The following PTPRN2 variants were observed in gnomAD, a reference collection of about 807,000 sequenced individuals.
PTPRN2 encodes the protein protein tyrosine phosphatase receptor type N2, also known as receptor-type tyrosine-protein phosphatase N2.
Under a neutral mutation model 118.8 loss-of-function variants are expected in PTPRN2, and 74 were observed. The observed-to-expected ratio is 0.62, with a 90% CI of 0.52 to 0.76. The LOEUF (loss-of-function observed/expected upper bound fraction) is 0.76. Ranked by LOEUF, PTPRN2 falls within the 30% of genes least tolerant of loss-of-function variation. PTPRN2 has a pLI of 0.00. For synonymous variants in PTPRN2, 641 were observed against 608.0 expected (o/e 1.05, Z -0.80); for missense variants, 1,481 against 1,394.4 (o/e 1.06, Z -0.99).
chr7:157,885,411 C>T (rs762754146), intron 12 of PTPRN2, among the ~76,000 whole-genome samples: 2 of 152,154 alleles, frequency 1.3e-5, no homozygotes. Flanking sequence ...CACCTGATGC[C>T]CACCTGGGCA....
Position 157,719,081 on chromosome 7 carries a change from T to C in PTPRN2, c.1789-36144A>G, listed in dbSNP as rs763061653. Among the ~76,000 whole-genome samples, 150 of 152,274 alleles carry C rather than the reference T, an allele frequency of 9.9e-4. 2 individuals are homozygous for C. Among genetic ancestry groups the C allele is most frequent in the Non-Finnish European group, 4.9e-4 (33 of 68,008 alleles). Reference sequence around the variant, plus strand: ...AGCGTGTTCCCCAGTGCATGGCCCCTGTCCTCCAACACCTGCTCAGGCCTG... The same window carrying C: ...AGCGTGTTCCCCAGTGCATGGCCCCCGTCCTCCAACACCTGCTCAGGCCTG... On this transcript the variant is annotated intron_variant, in intron 12 of 22. Transcript: ENST00000389418.
chr7:158,494,650 A>G (rs1274082163), intron 1 of PTPRN2, among the ~76,000 whole-genome samples: 1 of 152,170 alleles, frequency 6.6e-6, no homozygotes, highest in East Asian at 1.9e-4. Flanking sequence ...TGGAATGACC[A>G]AGGCCCTGGG....
At chr7:158,512,780 GAAGT>G (rs1180825987) in intron 1 of PTPRN2, among the ~76,000 whole-genome samples, 2 of 152,308 alleles carry the variant, frequency 1.3e-5, no homozygotes, top group East Asian at 1.9e-4. Flanking sequence ...AGAAAGGAAG[GAAGT>G]GTTTTCAAAA....
At chr7:158,158,229 C>A (rs899151373) in intron 6 of PTPRN2, among the ~76,000 whole-genome samples, 1 of 152,216 alleles carries the variant, frequency 6.6e-6, no homozygotes, top group South Asian at 2.1e-4. Flanking sequence ...GTGACAGAAG[C>A]ATTGGTATCA....
chr7:158,384,820 G>T (rs1431056221), intron 2 of PTPRN2, among the ~76,000 whole-genome samples: 1 of 152,148 alleles, frequency 6.6e-6, no homozygotes, highest in Non-Finnish European at 1.5e-5. Context: ...AATACTAATT[G>T]CCAGAAGACA....
In PTPRN2 at chr7:158,044,902, C is replaced by G. The variant is rs1808733016; in HGVS notation, c.1723+36396G>C. 2.6e-5 allele frequency among the ~76,000 whole-genome samples: 4 copies of G among 152,308 alleles called. No homozygotes were observed. In the South Asian group the frequency reaches 8.3e-4, roughly 32 times the overall value. On this transcript the variant is annotated intron_variant, in intron 11 of 22. Transcript: ENST00000389418. ...ACCTGGAGGACACCAGGAGGAGCAT[C>G]ACAGACAGGAAAAATTATAAACAGT... is the stretch of plus-strand genomic sequence containing the variant.
At chr7:157,778,276 A>G (rs1265975337) in intron 12 of PTPRN2, among the ~76,000 whole-genome samples, 2 of 152,240 alleles carry the variant, frequency 1.3e-5, no homozygotes, top group Non-Finnish European at 2.9e-5. Context: ...GTACATGTGA[A>G]TACAGGTGTC....
intron 11 of PTPRN2, among the ~76,000 whole-genome samples, chr7:158,072,468 G>A (rs538404673): frequency 6.6e-6 from 1 of 152,280 alleles, no homozygotes; most frequent in East Asian, 1.9e-4. Context: ...TGTTGACCAG[G>A]TAAGACCTGC....
At chr7:158,162,471 T>C (rs1473856986) in intron 6 of PTPRN2, among the ~76,000 whole-genome samples, 2 of 152,082 alleles carry the variant, frequency 1.3e-5, no homozygotes, top group African/African-American at 4.8e-5. Context: ...GATGGGGGAA[T>C]CTTCAAGGCA....
At chr7:158,035,270 A>G (rs571828163) in intron 11 of PTPRN2, among the ~76,000 whole-genome samples, 1 of 152,374 alleles carries the variant, frequency 6.6e-6, no homozygotes, top group East Asian at 1.9e-4. Context: ...AGAGATGTCC[A>G]TTTCGAGCAC....
chr7:157,762,747 T>TA (rs537774882), intron 12 of PTPRN2, among the ~76,000 whole-genome samples: 270 of 144,192 alleles, frequency 1.9e-3, no homozygotes, highest in Non-Finnish European at 1.6e-3. Flanking sequence ...AGTATAATAA[T>TA]AAAAAAAAAA....
intron 12 of PTPRN2, among the ~76,000 whole-genome samples, chr7:157,839,436 T>G (rs917512410): frequency 4.6e-5 from 7 of 151,676 alleles, no homozygotes; most frequent in Non-Finnish European, 7.4e-5. Flanking sequence ...ACTGTGTGTG[T>G]GTCTGGCTGT....
At chr7:158,547,740 C>T (rs1826384632) in intron 1 of PTPRN2, among the ~76,000 whole-genome samples, 1 of 152,156 alleles carries the variant, frequency 6.6e-6, no homozygotes, top group Non-Finnish European at 1.5e-5. Context: ...CATGCAGGGT[C>T]CAGGAATGCC....
intron 2 of PTPRN2, among the ~76,000 whole-genome samples, chr7:158,475,508 C>T (rs185404591): frequency 3.2e-4 from 49 of 152,256 alleles, no homozygotes; most frequent in Admixed American, 2.8e-3. Flanking sequence ...TCACCAAGGA[C>T]GGGCCCACTC....
At chr7:158,326,571 CAT>C (rs1433412777) in intron 2 of PTPRN2, among the ~76,000 whole-genome samples, 6 of 152,302 alleles carry the variant, frequency 3.9e-5, no homozygotes, top group South Asian at 2.1e-4. Flanking sequence ...CACATTCTCA[CAT>C]ACACGTCCTC....
chr7:158,150,667 G>A (rs756098688), intron 6 of PTPRN2, among the ~76,000 whole-genome samples: 1 of 152,036 alleles, frequency 6.6e-6, no homozygotes, highest in Non-Finnish European at 1.5e-5. Context: ...CATAACCCAG[G>A]GGGGTCACTG....
At chr7:157,579,579 G>A (rs1163783432) in intron 17 of PTPRN2, among the ~76,000 whole-genome samples, 1 of 152,210 alleles carries the variant, frequency 6.6e-6, no homozygotes, top group Non-Finnish European at 1.5e-5. Context: ...TCGGCTCCGT[G>A]CCACCCAAGT....
intron 3 of PTPRN2, among the ~76,000 whole-genome samples, chr7:158,209,891 G>A (rs1018755844): frequency 4.6e-5 from 7 of 152,000 alleles, no homozygotes; most frequent in African/African-American, 1.7e-4. Context: ...TCAATAACAG[G>A]GAAAATTTTG....
chr7:158,071,092 G>A (rs1174209355), intron 11 of PTPRN2, among the ~76,000 whole-genome samples: 4 of 99,496 alleles, frequency 4.0e-5, no homozygotes, highest in Non-Finnish European at 4.0e-5. Context: ...TGCCCGTGGT[G>A]GTGGAGGTGC....
Sources: allele counts gnomAD v4.1 joint callset (sites outside exome capture counted in the v4.1 genomes callset), GRCh38; gene constraint gnomAD v4.1.1; transcripts MANE v1.5; gene names NCBI Gene and HGNC (gene_info 2026-07-23, HGNC 2026-07-21).